ATP2B2: variants seen among roughly 807,000 people sequenced by gnomAD.
The protein encoded by ATP2B2 is ATPase plasma membrane Ca2+ transporting 2.
In ATP2B2, 15 loss-of-function variants were observed where a neutral mutation model predicts 120.0. The observed-to-expected ratio is 0.12, with a 90% confidence interval of 0.08 to 0.19. ATP2B2 has a LOEUF of 0.19. ATP2B2 is among the 10% of genes least tolerant of loss of function. The pLI is 1.00. For missense variants in ATP2B2, 1,045 were observed against 1,719.8 expected, an observed-to-expected ratio of 0.61 and a Z score of 6.94; for synonymous variants, 694 against 700.3, an observed-to-expected ratio of 0.99 and a Z score of 0.14.
At chr3:10,549,949 G>A (rs1256108164) in intron 2 of ATP2B2, among the ~76,000 whole-genome samples, 1 of 152,216 alleles carries the variant, frequency 6.6e-6, no homozygotes, top group East Asian at 1.9e-4. Flanking sequence ...GGCTCAGAGA[G>A]GTTAAGTCAC....
chr3:10,449,685 G>T lies in ATP2B2; in HGVS notation c.-142C>A. On this transcript the variant is annotated 5_prime_UTR_variant, in exon 2 of 23. Coordinates refer to ENST00000360273, the MANE Select transcript of ATP2B2 (RefSeq NM_001001331.4). ...AGGCGGCCGACTCCGGGTCCCGGGG[G>T]GTGGGGGTGGCCGAGGCGGGCTGGT... 9.8e-7 allele frequency: 1 copy of T among 1,016,774 alleles called. No homozygotes were observed. The highest frequency in any genetic ancestry group is 1.5e-6 in the Non-Finnish European group (1 of 664,008). The allele number at this position is 1,016,774 out of a possible 1,614,324, so 63.0% of individuals were successfully genotyped here.
chr3:10,542,094 G>T (rs900607231), intron 2 of ATP2B2, among the ~76,000 whole-genome samples: 1 of 152,102 alleles, frequency 6.6e-6, no homozygotes, highest in Admixed American at 6.5e-5. Flanking sequence ...ATTAATGTTT[G>T]CATGTGATTT....
chr3:10,433,356 C>T (rs748380733), intron 2 of ATP2B2, among the ~76,000 whole-genome samples: 14 of 152,218 alleles, frequency 9.2e-5, no homozygotes, highest in Middle Eastern at 3.4e-3. Context: ...ACTTGGCTTT[C>T]GCCCAGCTGA....
intron 3 of ATP2B2, among the ~76,000 whole-genome samples, chr3:10,519,328 G>A (rs757583172): frequency 1.4e-4 from 22 of 152,332 alleles, no homozygotes; most frequent in Non-Finnish European, 2.2e-4. Flanking sequence ...TAAAGTGGCC[G>A]AGGCGGGAGT....
rs1575063341 is a variant in ATP2B2 at position 10,378,313 on chromosome 3, C to T, written c.1140G>A (p.Lys380=). ...ADDRKKASMH[K]KEKSVLQGKL... Reference sequence around the variant, plus strand: ...TGCCCTGCAGCACGGACTTCTCCTTCTTGTGCATGCTGGCCTTCTTCCTGT... The same window carrying T: ...TGCCCTGCAGCACGGACTTCTCCTTTTTGTGCATGCTGGCCTTCTTCCTGT... Residue 380 remains lysine (K), a synonymous_variant, in exon 10 of 23, where the codon AAG becomes AAA. Coordinates refer to ENST00000360273, the MANE Select transcript of ATP2B2 (RefSeq NM_001001331.4). 1 of 1,609,832 alleles carries T rather than the reference C, an allele frequency of 6.2e-7. No homozygotes were observed. Among genetic ancestry groups the T allele is most frequent in the Non-Finnish European group, 8.5e-7 (1 of 1,180,024 alleles).
At chr3:10,516,812 G>A (rs1005353100) in intron 3 of ATP2B2, among the ~76,000 whole-genome samples, 1 of 152,216 alleles carries the variant, frequency 6.6e-6, no homozygotes, top group African/African-American at 2.4e-5. Flanking sequence ...TTCCTCATCT[G>A]CAAAATGGAG....
At chr3:10,681,964 G>C (rs747242219) in intron 1 of ATP2B2, among the ~76,000 whole-genome samples, 10 of 152,194 alleles carry the variant, frequency 6.6e-5, no homozygotes, top group Non-Finnish European at 1.3e-4. Context: ...TGGATGATTG[G>C]CAATGTAGGG....
In ATP2B2 at chr3:10,332,175, C is replaced by T. The variant is rs141193915; in HGVS notation, c.3421-3050G>A. 18 of 759,590 alleles carry T rather than the reference C, an allele frequency of 2.4e-5. No individual in the cohort carries two copies. In the Admixed American group the frequency reaches 3.1e-4, roughly 13 times the overall value. 47.1% of individuals were successfully genotyped at this position (759,590 alleles called of 1,614,324 possible). A position where few individuals can be genotyped will look rare whatever the true frequency, so the allele number is the denominator to read the frequency against. On this transcript the variant is annotated intron_variant, in intron 22 of 22. Transcript: ENST00000360273. ...GCTAATGAGAAGTCCAGCTTTCTTC[C>T]CTTTTTGTTGTCTTCATTTCTCCCC...
chr3:10,670,850 T>C lies in ATP2B2; in HGVS notation c.-460+37065A>G, dbSNP rs181369498. Among the ~76,000 whole-genome samples the C allele has an allele frequency of 3.3e-5, 5 of 152,262 alleles. No homozygotes were observed. In the East Asian group the frequency reaches 9.7e-4, roughly 29 times the overall value. Reference sequence around the variant, plus strand: ...AGCCAGAACAGAAATAAATCTAATATTGGAAAAGAATACAAGAACAATTAG... The same window carrying C: ...AGCCAGAACAGAAATAAATCTAATACTGGAAAAGAATACAAGAACAATTAG... On this transcript the variant is annotated intron_variant, in intron 1 of 21. Coordinates refer to the ATP2B2 transcript ENST00000646379.
At position 10,622,217 on chromosome 3, in the gene ATP2B2, C is replaced by A. The variant is rs1159837647; in HGVS notation, c.-459-2256G>T. ...CATCCTAGAGCTGTGGGCGGCCAGG[C>A]CTGTCTTTATCAGCCGTGCCCCCAT... On this transcript the variant is annotated intron_variant, in intron 1 of 21. Transcript: ENST00000646379. Among the ~76,000 whole-genome samples the A allele has an allele frequency of 6.6e-5, 10 of 152,274 alleles. No individual in the cohort carries two copies. In the East Asian group the frequency reaches 1.9e-3, roughly 29 times the overall value.
chr3:10,482,292 C>T (rs2065445986), intron 1 of ATP2B2, among the ~76,000 whole-genome samples: 1 of 152,194 alleles, frequency 6.6e-6, no homozygotes, highest in South Asian at 2.1e-4. Context: ...TGCCAGGCCA[C>T]ATGGTGAGGG....
At chr3:10,704,112 A>G (rs1042079447) in intron 1 of ATP2B2, among the ~76,000 whole-genome samples, 15 of 152,352 alleles carry the variant, frequency 9.8e-5, no homozygotes, top group Admixed American at 8.5e-4. Context: ...CCTGTGTGGC[A>G]TAGCATGTCC....
At chr3:10,446,289 G>A (rs1050341530) in intron 2 of ATP2B2, among the ~76,000 whole-genome samples, 1 of 152,162 alleles carries the variant, frequency 6.6e-6, no homozygotes, top group South Asian at 2.1e-4. Context: ...AATGACAAGA[G>A]CTGACATTTA....
intron 5 of ATP2B2, 53 bp downstream of exon 5, chr3:10,400,900 G>T: frequency 6.2e-7 from 1 of 1,611,098 alleles, no homozygotes; most frequent in East Asian, 2.2e-5. Flanking sequence ...GGACACACAG[G>T]CATCCCCTGT....
intron 2 of ATP2B2, among the ~76,000 whole-genome samples, chr3:10,599,077 AG>A (rs982634981): frequency 5.9e-5 from 9 of 152,218 alleles, no homozygotes; most frequent in Non-Finnish European, 1.3e-4. Flanking sequence ...CCATTTTCCC[AG>A]GGGGAGCGGA....
intron 21 of ATP2B2, 88 bp from the exon 22 acceptor site, chr3:10,338,446 C>A: frequency 7.1e-7 from 1 of 1,412,378 alleles, no homozygotes; most frequent in Non-Finnish European, 1.0e-6. Context: ...CCTCCCTCCT[C>A]CTACCCGCTC....
intron 5 of ATP2B2, among the ~76,000 whole-genome samples, chr3:10,396,935 T>C (rs2062057070): frequency 6.6e-6 from 1 of 152,160 alleles, no homozygotes; most frequent in African/African-American, 2.4e-5. Flanking sequence ...AGTCCAGGCC[T>C]CACCCAAGGA....
At chr3:10,588,995 A>ATCTTTTAAGGGCATAAACTGG (rs2068580194) in intron 2 of ATP2B2, among the ~76,000 whole-genome samples, 1 of 152,210 alleles carries the variant, frequency 6.6e-6, no homozygotes, top group Non-Finnish European at 1.5e-5. Flanking sequence ...AGATCCCGAC[A>ATCTTTTAAGGGCATAAACTGG]TCTTTTAAGG....
At chr3:10,381,763 GC>G (rs2061536172) in intron 8 of ATP2B2, among the ~76,000 whole-genome samples, 1 of 152,194 alleles carries the variant, frequency 6.6e-6, no homozygotes, top group African/African-American at 2.4e-5. Flanking sequence ...GGTCTCAGAG[GC>G]CCTTCTCTGT....
Sources: allele counts gnomAD v4.1 joint callset (sites outside exome capture counted in the v4.1 genomes callset), GRCh38; gene constraint gnomAD v4.1.1; transcripts MANE v1.5; gene names NCBI Gene and HGNC (gene_info 2026-07-23, HGNC 2026-07-21).